The following FAT3 variants were observed in gnomAD, a reference collection of about 807,000 sequenced individuals.
FAT3 encodes FAT atypical cadherin 3.
FAT3 carries 95 observed loss-of-function variants against 310.2 expected under a neutral mutation model. The ratio of observed to expected loss-of-function variants is 0.31; its 90% CI spans 0.26 to 0.36. The LOEUF (loss-of-function observed/expected upper bound fraction) is 0.36, where lower values mean the gene tolerates loss of function less well. FAT3 is among the 10% of genes least tolerant of loss of function. The pLI, the probability that FAT3 is intolerant of heterozygous loss-of-function variation, is 1.00. For missense variants in FAT3, 5,408 were observed against 5,715.6 expected (o/e 0.95, Z 1.74); for synonymous variants, 2,314 against 2,192.9 (o/e 1.06, Z -1.54).
In FAT3 at chr11:92,831,624, A is replaced by C; in HGVS notation, c.9484A>C (p.Ile3162Leu). 2 of 1,609,892 alleles carry C rather than the reference A, an allele frequency of 1.2e-6. No homozygotes were observed. The highest frequency in any genetic ancestry group is 8.5e-7 in the Non-Finnish European group (1 of 1,178,450). Reference sequence around the variant, plus strand: ...ATTTTCCTGTGTCTCTCCCACAGGCATCAATAGGAAGGTCGTGTACTCCCT... The same window carrying C: ...ATTTTCCTGTGTCTCTCCCACAGGCCTCAATAGGAAGGTCGTGTACTCCCT... ...RVQAVDPDIG[I>L]NRKVVYSLAD... Residue 3162 changes from isoleucine (I) to leucine (L), a missense_variant and splice_region_variant, in exon 14 of 28, where the codon ATC (isoleucine) becomes CTC (leucine). Transcript: ENST00000525166.
chr11:92,442,566 A>G (rs188226965), intron 2 of FAT3, among the ~76,000 whole-genome samples: 6 of 152,154 alleles, frequency 3.9e-5, no homozygotes, highest in African/African-American at 1.2e-4. Flanking sequence ...GACTTAATGT[A>G]CTCTGTAAAG....
At chr11:92,607,020 C>T (rs1438038969) in intron 3 of FAT3, among the ~76,000 whole-genome samples, 3 of 152,150 alleles carry the variant, frequency 2.0e-5, no homozygotes, top group Non-Finnish European at 2.9e-5. Flanking sequence ...CACACCACCT[C>T]GCCATTAGCC....
At chr11:92,482,128 A>G (rs1952244100) in intron 2 of FAT3, among the ~76,000 whole-genome samples, 1 of 152,134 alleles carries the variant, frequency 6.6e-6, no homozygotes, top group African/African-American at 2.4e-5. Context: ...GTCAGTACAC[A>G]TAGATTTCAT....
At chr11:92,315,551 A>G (rs994368059) in intron 1 of FAT3, among the ~76,000 whole-genome samples, 2 of 136,330 alleles carry the variant, frequency 1.5e-5, no homozygotes, top group African/African-American at 2.7e-5. Flanking sequence ...AGAGAGAGAG[A>G]GAGACTGTGT....
At chr11:92,243,174 CT>C (rs1467100231) in intron 1 of FAT3, among the ~76,000 whole-genome samples, 2 of 151,718 alleles carry the variant, frequency 1.3e-5, no homozygotes, top group African/African-American at 4.8e-5. Context: ...TTTTTTCCAC[CT>C]AAACAAGTGT....
intron 2 of FAT3, among the ~76,000 whole-genome samples, chr11:92,508,623 G>A (rs1434046751): frequency 6.6e-6 from 1 of 152,076 alleles, no homozygotes; most frequent in Non-Finnish European, 1.5e-5. Flanking sequence ...AAATAGTTGG[G>A]CTTTTGAGAA....
At chr11:92,278,631 C>A (rs574461820) in intron 1 of FAT3, among the ~76,000 whole-genome samples, 1 of 151,942 alleles carries the variant, frequency 6.6e-6, no homozygotes, top group Non-Finnish European at 1.5e-5. Context: ...TATACACACA[C>A]GTAATTTTCC....
At chr11:92,399,544 A>G (rs955565636) in intron 2 of FAT3, among the ~76,000 whole-genome samples, 4 of 152,216 alleles carry the variant, frequency 2.6e-5, no homozygotes, top group Admixed American at 2.6e-4. Context: ...CTGGCAAACT[A>G]GTAAAACTAG....
intron 4 of FAT3, among the ~76,000 whole-genome samples, chr11:92,730,123 C>T (rs1482954659): frequency 6.6e-6 from 1 of 152,136 alleles, no homozygotes; most frequent in African/African-American, 2.4e-5. Flanking sequence ...GGGAGAATCA[C>T]TTGAGGCCTA....
chr11:92,466,579 A>G (rs1287857932), intron 2 of FAT3, among the ~76,000 whole-genome samples: 1 of 150,546 alleles, frequency 6.6e-6, no homozygotes, highest in Non-Finnish European at 1.5e-5. Context: ...TTTTTTAATT[A>G]TTTTATTTTA....
intron 2 of FAT3, among the ~76,000 whole-genome samples, chr11:92,441,690 C>T (rs747118316): frequency 6.6e-6 from 1 of 152,142 alleles, no homozygotes; most frequent in African/African-American, 2.4e-5. Context: ...AGAGGAGTCT[C>T]TGTTTAAAAC....
intron 2 of FAT3, among the ~76,000 whole-genome samples, chr11:92,440,625 A>T (rs893132681): frequency 3.9e-5 from 6 of 152,186 alleles, no homozygotes; most frequent in Non-Finnish European, 7.3e-5. Context: ...TCAGTGGTGG[A>T]GATGTCAATC....
At chr11:92,318,807 C>A (rs886569669) in intron 1 of FAT3, among the ~76,000 whole-genome samples, 1 of 152,184 alleles carries the variant, frequency 6.6e-6, no homozygotes, top group African/African-American at 2.4e-5. Flanking sequence ...AGGCACAAAT[C>A]TTGCTTTGAG....
rs771919511 is a variant in FAT3 at position 92,835,031 on chromosome 11, G to A, written c.10033G>A (p.Val3345Ile). 69 of 1,613,584 alleles carry A rather than the reference G, an allele frequency of 4.3e-5. 1 individual carries two copies. The highest frequency in any genetic ancestry group is 1.8e-4 in the East Asian group (8 of 44,888). The change falls in exon 15 of 28, where the codon GTC (valine) becomes ATC (isoleucine). Residue 3345 changes from valine (V) to isoleucine (I), a missense_variant. Val to Ile is a conservative substitution (Grantham distance 29). Coordinates refer to ENST00000525166, the MANE Select transcript of FAT3 (RefSeq NM_001367949.2). Reference protein sequence around the residue: ...NDNPPKFSQDVYSAVISEDAL... With the variant: ...NDNPPKFSQDIYSAVISEDAL... Reference sequence around the variant, plus strand: ...CAACCCTCCCAAGTTCAGCCAAGACGTCTACAGTGCGGTTATCAGTGAAGA... The same window carrying A: ...CAACCCTCCCAAGTTCAGCCAAGACATCTACAGTGCGGTTATCAGTGAAGA...
intron 3 of FAT3, among the ~76,000 whole-genome samples, chr11:92,557,860 G>A (rs1348072861): frequency 1.3e-5 from 2 of 152,306 alleles, no homozygotes; most frequent in East Asian, 3.9e-4. Context: ...AAATAAAAGA[G>A]CCAATCCTCT....
At chr11:92,592,863 G>A (rs1939507540) in intron 3 of FAT3, among the ~76,000 whole-genome samples, 2 of 151,962 alleles carry the variant, frequency 1.3e-5, no homozygotes, top group Non-Finnish European at 2.9e-5. Flanking sequence ...ACCATTTTAA[G>A]TATAAAATTC....
At chr11:92,375,054 C>T (rs775144434) in intron 2 of FAT3, among the ~76,000 whole-genome samples, 16 of 152,116 alleles carry the variant, frequency 1.1e-4, no homozygotes, top group Non-Finnish European at 2.2e-4. Context: ...CACACACACA[C>T]ACACCATACC....
At chr11:92,621,386 C>T (rs492677) in intron 3 of FAT3, among the ~76,000 whole-genome samples, 87,162 of 152,064 alleles carry the variant, frequency 0.57, 26,738 homozygotes, top group African/African-American at 0.8. Context: ...TCCAGATGGA[C>T]AAAATCGCTA....
In FAT3 at chr11:92,844,211, A is replaced by G; in HGVS notation, c.10844A>G (p.Lys3615Arg). 6.2e-7 allele frequency: 1 copy of G among 1,614,050 alleles called. No individual in the cohort carries two copies. The highest frequency in any genetic ancestry group is 8.5e-7 in the Non-Finnish European group (1 of 1,179,900). ...IIALGGLDSG[K>R]YVLNVSVSDG... ...GCCCTGGGAGGCCTGGACAGCGGCA[A>G]GTATGTCCTGAATGTGTCTGTGAGT... Residue 3615 changes from lysine to arginine, a missense_variant, in exon 19 of 28, where the codon AAG (lysine) becomes AGG (arginine). By Grantham distance (26) the Lys-to-Arg change is conservative. Transcript: ENST00000525166.
Sources: allele counts gnomAD v4.1 joint callset (sites outside exome capture counted in the v4.1 genomes callset), GRCh38; gene constraint gnomAD v4.1.1; transcripts MANE v1.5; gene names NCBI Gene and HGNC (gene_info 2026-07-23, HGNC 2026-07-21).